Variants in CRAMP1 observed in about 807,000 individuals in gnomAD.
CRAMP1 encodes protein cramped-like.
CRAMP1 carries 50 observed loss-of-function variants against 115.4 expected under a neutral mutation model. The observed-to-expected ratio is 0.43, with a 90% CI of 0.35 to 0.55. The LOEUF (loss-of-function observed/expected upper bound fraction) is 0.55, where lower values mean the gene tolerates loss of function less well. Ranked by LOEUF, CRAMP1 falls within the 20% of genes least tolerant of loss-of-function variation. CRAMP1 has a pLI of 0.01. For missense variants in CRAMP1, 1,679 were observed against 1,721.7 expected (o/e 0.98, Z 0.44); for synonymous variants, 866 against 745.4 (o/e 1.16, Z -2.64).
At chr16:1,653,391 G>A (rs1396861901) in intron 8 of CRAMP1, among the ~76,000 whole-genome samples, 2 of 152,160 alleles carry the variant, frequency 1.3e-5, no homozygotes, top group Non-Finnish European at 1.5e-5. Context: ...GGGATGTCGC[G>A]GTGAGAAGAG....
chr16:1,624,126 G>C (rs1344978212), intron 2 of CRAMP1, among the ~76,000 whole-genome samples: 2 of 151,904 alleles, frequency 1.3e-5, no homozygotes, highest in African/African-American at 4.8e-5. Flanking sequence ...GCGTGACTGA[G>C]AGGCTGAGTT....
chr16:1,674,035 T>G lies in CRAMP1; in HGVS notation c.3800T>G (p.Leu1267Arg), dbSNP rs1427446560. 6.2e-7 allele frequency: 1 copy of G among 1,611,920 alleles called. No individual in the cohort carries two copies. The highest frequency in any genetic ancestry group is 8.5e-7 in the Non-Finnish European group (1 of 1,179,792). ...GGAGGCGGCCCCGCTGTCAGTGACC[T>G]GTCCCAGTGACCACACGTCCTGGTG... ...GGGGGPAVSD[L>R]SQ is the part of the protein sequence containing the mutation. The change falls in exon 21 of 21, where the codon CTG becomes CGG. Residue 1267 changes from leucine (L) to arginine (R), a missense_variant. Physicochemically the swap from Leu to Arg is moderately radical, Grantham distance 102. Transcript: ENST00000397412.
At chr16:1,659,783 C>G (rs2036809314) in intron 10 of CRAMP1, 103 bp from the exon 11 acceptor site, 3 of 1,135,212 alleles carry the variant, frequency 2.6e-6, no homozygotes, top group Middle Eastern at 4.1e-4. Context: ...TGACACTGTG[C>G]TTTCTGAGCT....
At chr16:1,646,182 C>T (rs536910384) in intron 6 of CRAMP1, among the ~76,000 whole-genome samples, 1 of 152,298 alleles carries the variant, frequency 6.6e-6, no homozygotes, top group African/African-American at 2.4e-5. Context: ...AGTGGAGGGA[C>T]CCAGGGCTAT....
intron 6 of CRAMP1, chr16:1,647,171 T>G: frequency 4.7e-6 from 3 of 636,812 alleles, no homozygotes; most frequent in Non-Finnish European, 8.5e-6. Context: ...CAGACCTGTT[T>G]CAATTAACTG....
At chr16:1,612,894 C>G (rs1240026548) in intron 1 of CRAMP1, among the ~76,000 whole-genome samples, 1 of 151,932 alleles carries the variant, frequency 6.6e-6, no homozygotes, top group Non-Finnish European at 1.5e-5. Flanking sequence ...GAGGTTCTCG[C>G]GAAAAGGAGG....
At chr16:1,615,356 A>G (rs981826998) in intron 2 of CRAMP1, among the ~76,000 whole-genome samples, 1 of 152,204 alleles carries the variant, frequency 6.6e-6, no homozygotes, top group African/African-American at 2.4e-5. Flanking sequence ...TCTTTCCCAG[A>G]CATCAGGCGG....
intron 2 of CRAMP1, among the ~76,000 whole-genome samples, chr16:1,615,673 T>C (rs1446230584): frequency 1.3e-5 from 2 of 152,228 alleles, no homozygotes; most frequent in African/African-American, 4.8e-5. Context: ...ACCAAGATAG[T>C]AAGAAAACGG....
intron 2 of CRAMP1, among the ~76,000 whole-genome samples, chr16:1,622,048 A>G (rs191637760): frequency 4.2e-4 from 64 of 152,186 alleles, no homozygotes; most frequent in Non-Finnish European, 7.6e-4. Flanking sequence ...ACAGGCTGTC[A>G]TCGTATTCTA....
At chr16:1,623,904 T>C (rs140561587) in intron 2 of CRAMP1, among the ~76,000 whole-genome samples, 1 of 152,350 alleles carries the variant, frequency 6.6e-6, no homozygotes, top group East Asian at 1.9e-4. Context: ...GCACAGAGCA[T>C]ATGCATACCT....
intron 8 of CRAMP1, among the ~76,000 whole-genome samples, chr16:1,654,004 G>A (rs1232129601): frequency 4.8e-5 from 7 of 146,750 alleles, no homozygotes; most frequent in Non-Finnish European, 9.0e-5. Flanking sequence ...TTAGCCGGGC[G>A]TGGTGGTGGG....
chr16:1,615,182 A>G (rs766372061), intron 2 of CRAMP1, among the ~76,000 whole-genome samples, 197 bp downstream of exon 2: 7 of 152,162 alleles, frequency 4.6e-5, no homozygotes, highest in Non-Finnish European at 7.4e-5. Flanking sequence ...TCTATATTTA[A>G]ACTCTTTGAA....
chr16:1,670,554 G>A (rs2036913521), intron 19 of CRAMP1, 110 bp from the exon 20 acceptor site: 4 of 1,200,100 alleles, frequency 3.3e-6, no homozygotes, highest in Non-Finnish European at 3.6e-6. Flanking sequence ...ATTGGGGCCG[G>A]GGCCGGGGCT....
At chr16:1,626,562 G>A (rs1271558502) in intron 3 of CRAMP1, among the ~76,000 whole-genome samples, 1 of 152,026 alleles carries the variant, frequency 6.6e-6, no homozygotes, top group African/African-American at 2.4e-5. Flanking sequence ...TGCTTGTCTC[G>A]GGGGTCAGTG....
intron 2 of CRAMP1, among the ~76,000 whole-genome samples, chr16:1,616,152 A>T (rs1295848184): frequency 2.0e-5 from 3 of 152,224 alleles, no homozygotes; most frequent in Admixed American, 6.5e-5. Flanking sequence ...AACTTGCCTC[A>T]TATGAATTTA....
rs2036879016 is a variant in CRAMP1 at position 1,666,636 on chromosome 16, C to G, written c.3036+36C>G. On this transcript the variant is annotated intron_variant, in intron 16 of 20. Coordinates refer to ENST00000397412, the MANE Select transcript of CRAMP1 (RefSeq NM_020825.4). The surrounding 1 kb of genome is among the most constrained non-coding windows in gnomAD (Gnocchi z 5.0). ...TTAGAAGGGCTTTTCAGCATTACCA[C>G]CAACTTCTGGTGTGGACGCCAAAGC... 6.3e-7 allele frequency: 1 copy of G among 1,589,734 alleles called. No individual in the cohort carries two copies.
chr16:1,672,608 T>C lies in CRAMP1; in HGVS notation c.3646-1273T>C, dbSNP rs2036931136. On this transcript the variant is annotated intron_variant, in intron 20 of 20. Coordinates refer to ENST00000397412, the MANE Select transcript of CRAMP1 (RefSeq NM_020825.4). This position sits in a 1 kb window ranked among gnomAD's most constrained non-coding sequence, Gnocchi z 4.9. ...CATTTCCCATAATCAAAGCATAAAA[T>C]TTCATTTACGCCATAGCTCTATTCA... Among the ~76,000 whole-genome samples the C allele has an allele frequency of 6.6e-6, 1 of 152,178 alleles. No homozygotes were observed. The highest frequency in any genetic ancestry group is 2.1e-4 in the South Asian group (1 of 4,828).
At chr16:1,627,422 T>C (rs2036516637) in intron 3 of CRAMP1, among the ~76,000 whole-genome samples, 1 of 152,196 alleles carries the variant, frequency 6.6e-6, no homozygotes, top group Non-Finnish European at 1.5e-5. Context: ...CTTGTTCTTT[T>C]AATAGCTAAT....
intron 3 of CRAMP1, among the ~76,000 whole-genome samples, chr16:1,631,863 T>G (rs1392789496): frequency 1.3e-5 from 2 of 152,254 alleles, no homozygotes; most frequent in Non-Finnish European, 2.9e-5. Context: ...TCCAGAGCTT[T>G]TCTTCATGGA....
Sources: allele counts gnomAD v4.1 joint callset (sites outside exome capture counted in the v4.1 genomes callset), GRCh38; gene constraint gnomAD v4.1.1; non-coding constraint Gnocchi (gnomAD v3.1); transcripts MANE v1.5; gene names NCBI Gene and HGNC (gene_info 2026-07-23, HGNC 2026-07-21).